Variants in SLC38A1 observed in about 807,000 individuals in gnomAD.
The protein encoded by SLC38A1 is solute carrier family 38 member 1.
SLC38A1 carries 18 observed loss-of-function variants against 60.3 expected under a neutral mutation model. That is an observed-to-expected ratio of 0.30 (90% CI 0.21 to 0.44). The LOEUF is 0.44. Among genes scored for constraint, SLC38A1 ranks in the 20% least tolerant of loss-of-function variants. The pLI, the probability that SLC38A1 is intolerant of heterozygous loss-of-function variation, is 1.00. For missense variants in SLC38A1, 448 were observed against 587.2 expected, an observed-to-expected ratio of 0.76 and a Z score of 2.45; for synonymous variants, 196 against 212.1, an observed-to-expected ratio of 0.92 and a Z score of 0.66.
chr12:46,188,961 C>A lies in SLC38A1; in HGVS notation c.*9G>T. ...AGACAACAGGGATGTTTCTTTTTCT[C>A]GGCGGGTTTCAGTGGCCTTCGTCAC... is the stretch of plus-strand genomic sequence containing the variant. On this transcript the variant is annotated 3_prime_UTR_variant, in exon 17 of 17. Transcript: ENST00000398637. 6.2e-7 allele frequency: 1 copy of A among 1,610,030 alleles called. No individual in the cohort carries two copies. The highest frequency in any genetic ancestry group is 8.5e-7 in the Non-Finnish European group (1 of 1,177,600).
chr12:46,239,604 A>T, intron 3 of SLC38A1, 75 bp downstream of exon 3: 1 of 1,547,606 alleles, frequency 6.5e-7, no homozygotes. Flanking sequence ...CGGCCTCCCA[A>T]AGTGATGGGA....
Position 46,223,452 on chromosome 12 carries a change from T to TCACACACACACACA in SLC38A1, c.314+5687_314+5700dup, listed in dbSNP as rs146387838. 1.1e-3 allele frequency among the ~76,000 whole-genome samples: 154 copies of TCACACACACACACA among 146,182 alleles called. 1 individual carries two copies. Among genetic ancestry groups the TCACACACACACACA allele is most frequent in the African/African-American group, 3.6e-3 (144 of 40,222 alleles). ...CTCCATCTCTCTTTCTCTCTCACAT[T>TCACACACACACACA]CACACACACACACACACACACACAC... On this transcript the variant is annotated intron_variant, in intron 5 of 16. Coordinates refer to ENST00000398637, the MANE Select transcript of SLC38A1 (RefSeq NM_030674.4).
rs1938938198 is a variant in SLC38A1 at position 46,186,411 on chromosome 12, T to C, written c.*2559A>G. 6.6e-6 allele frequency: 1 copy of C among 152,184 alleles called. No individual in the cohort carries two copies. The highest frequency in any genetic ancestry group is 2.4e-5 in the African/African-American group (1 of 41,440). 9.4% of individuals were successfully genotyped at this position (152,184 alleles called of 1,614,324 possible). ...ATGCCTAGGGTATAGTATTCTTTAA[T>C]CTACTAATTTAGCAGAAAAACTTCC... On this transcript the variant is annotated 3_prime_UTR_variant, in exon 17 of 17. Transcript: ENST00000398637.
chr12:46,215,385 T>C (rs1157664998), intron 5 of SLC38A1, among the ~76,000 whole-genome samples: 1 of 152,214 alleles, frequency 6.6e-6, no homozygotes, highest in Non-Finnish European at 1.5e-5. Flanking sequence ...AGATCTCATC[T>C]GCTTCCTTTG....
Position 46,198,608 on chromosome 12 carries a change from C to G in SLC38A1, c.1122+17G>C, listed in dbSNP as rs1939496221. On this transcript the variant is annotated intron_variant, in intron 14 of 16. Coordinates refer to ENST00000398637, the MANE Select transcript of SLC38A1 (RefSeq NM_030674.4). ...AGACCTCAGCTTTTCTCATATTGCA[C>G]AGAGGCCCTTACTCACCGTGAAAAA... 1.3e-6 allele frequency: 2 copies of G among 1,549,720 alleles called. No individual in the cohort carries two copies. Among genetic ancestry groups the G allele is most frequent in the African/African-American group, 1.4e-5 (1 of 72,798 alleles).
At chr12:46,254,579 A>G (rs1941961943) in intron 1 of SLC38A1, among the ~76,000 whole-genome samples, 1 of 152,208 alleles carries the variant, frequency 6.6e-6, no homozygotes, top group Non-Finnish European at 1.5e-5. Flanking sequence ...AATACCTATG[A>G]GTTGGGTAAA....
chr12:46,260,403 C>G (rs377268488), intron 1 of SLC38A1, among the ~76,000 whole-genome samples: 2 of 152,280 alleles, frequency 1.3e-5, no homozygotes, highest in South Asian at 4.1e-4. Flanking sequence ...AATTCCTTTG[C>G]GTTATGAAAT....
chr12:46,268,847 C>T lies in SLC38A1; in HGVS notation c.-530G>A, dbSNP rs1942452228. On this transcript the variant is annotated 5_prime_UTR_variant, in exon 1 of 17. Transcript: ENST00000398637. This position sits in a 1 kb window ranked among gnomAD's most constrained non-coding sequence, Gnocchi z 4.4. ...CACCAACCCCCACTCACACTCTGCT[C>T]GCCGGCCTCGCACTTACATCGACAT... The T allele has an allele frequency of 4.4e-6, 2 of 453,744 alleles. No homozygotes were observed. Among genetic ancestry groups the T allele is most frequent in the South Asian group, 3.1e-5 (2 of 64,208 alleles). 28.1% of individuals were successfully genotyped at this position (453,744 alleles called of 1,614,324 possible).
At chr12:46,213,704 T>C (rs1940280840) in intron 5 of SLC38A1, among the ~76,000 whole-genome samples, 1 of 152,232 alleles carries the variant, frequency 6.6e-6, no homozygotes, top group South Asian at 2.1e-4. Context: ...CGTCCTTAAT[T>C]TCTGGATAAC....
At chr12:46,213,937 T>C (rs566606537) in intron 5 of SLC38A1, among the ~76,000 whole-genome samples, 2 of 152,352 alleles carry the variant, frequency 1.3e-5, no homozygotes, top group East Asian at 3.9e-4. Flanking sequence ...TGGCAAGTTA[T>C]GTGAGACTAT....
intron 1 of SLC38A1, among the ~76,000 whole-genome samples, chr12:46,266,023 G>A (rs1043494056): frequency 6.6e-6 from 1 of 152,194 alleles, no homozygotes; most frequent in Non-Finnish European, 1.5e-5. Flanking sequence ...GGCAGTACGA[G>A]AAGGAGAAGC....
intron 5 of SLC38A1, among the ~76,000 whole-genome samples, 170 bp from the exon 6 acceptor site, chr12:46,209,297 C>T (rs1036182550): frequency 6.6e-6 from 1 of 152,194 alleles, no homozygotes; most frequent in Non-Finnish European, 1.5e-5. Flanking sequence ...CAAAAATGTC[C>T]TACCAAATAA....
chr12:46,220,389 T>C (rs1940611544), intron 5 of SLC38A1, among the ~76,000 whole-genome samples: 1 of 152,190 alleles, frequency 6.6e-6, no homozygotes, highest in Non-Finnish European at 1.5e-5. Flanking sequence ...ACTGTGACTA[T>C]AACTCAAAGA....
chr12:46,229,295 T>G, intron 4 of SLC38A1, 27 bp from the exon 5 acceptor site: 1 of 1,444,982 alleles, frequency 6.9e-7, no homozygotes, highest in Non-Finnish European at 9.7e-7. Flanking sequence ...ACATTGACAC[T>G]AAGCAAAATA....
chr12:46,198,348 A>G (rs912411682), intron 14 of SLC38A1, among the ~76,000 whole-genome samples: 5 of 152,092 alleles, frequency 3.3e-5, no homozygotes, highest in African/African-American at 1.2e-4. Flanking sequence ...TTCTCTCTTC[A>G]TGTCTACTGA....
intron 5 of SLC38A1, among the ~76,000 whole-genome samples, chr12:46,217,748 G>A (rs1043562602): frequency 1.3e-5 from 2 of 152,142 alleles, no homozygotes; most frequent in African/African-American, 4.8e-5. Context: ...ACCAGCACAC[G>A]GTGACCTTGT....
chr12:46,249,812 C>A (rs1365277443), intron 1 of SLC38A1, among the ~76,000 whole-genome samples: 1 of 152,118 alleles, frequency 6.6e-6, no homozygotes, highest in African/African-American at 2.4e-5. Context: ...TCTGAATAGA[C>A]CAATAACAGG....
At chr12:46,219,070 C>T (rs1338457664) in intron 5 of SLC38A1, among the ~76,000 whole-genome samples, 1 of 152,166 alleles carries the variant, frequency 6.6e-6, no homozygotes, top group Non-Finnish European at 1.5e-5. Flanking sequence ...AATTTCTAAT[C>T]GTGTAGTTAA....
chr12:46,267,711 C>T (rs1592168445), intron 1 of SLC38A1: 1 of 152,390 alleles, frequency 6.6e-6, no homozygotes, highest in East Asian at 1.9e-4. Context: ...CGTTTAGGGA[C>T]GCGAACTAGG....
Sources: gnomAD v4.1 joint callset for allele counts (sites outside exome capture counted in the v4.1 genomes callset) on GRCh38, gnomAD v4.1.1 for gene constraint, Gnocchi (gnomAD v3.1) non-coding constraint, MANE v1.5 for transcripts, NCBI Gene and HGNC (gene_info 2026-07-23, HGNC 2026-07-21) for gene names.